FAT1: variants seen among roughly 807,000 people sequenced by gnomAD.
FAT1 encodes protocadherin Fat 1.
A neutral mutation model predicts 329.8 loss-of-function variants in FAT1; 171 were observed. The observed-to-expected ratio is 0.52, with a 90% CI of 0.46 to 0.59. The LOEUF (loss-of-function observed/expected upper bound fraction) is 0.59. Among genes scored for constraint, FAT1 ranks in the 20% least tolerant of loss-of-function variants. The pLI is 0.00. For synonymous variants in FAT1, 2,233 were observed against 2,228.6 expected (o/e 1.00, Z -0.06); for missense variants, 5,672 against 5,774.4 (o/e 0.98, Z 0.57).
At chr4:186,687,975 T>C (rs887591756) in intron 2 of FAT1, among the ~76,000 whole-genome samples, 2 of 152,266 alleles carry the variant, frequency 1.3e-5, no homozygotes, top group African/African-American at 2.4e-5. Flanking sequence ...ATTTTAGTCA[T>C]GTTTTCTCCT....
At chr4:186,630,184 C>T (rs188823580) in intron 7 of FAT1, among the ~76,000 whole-genome samples, 1 of 152,302 alleles carries the variant, frequency 6.6e-6, no homozygotes, top group East Asian at 1.9e-4. Context: ...ACATGCACAG[C>T]CTAACCATGT....
chr4:186,716,462 C>A (rs1745208820), intron 1 of FAT1, among the ~76,000 whole-genome samples: 1 of 151,972 alleles, frequency 6.6e-6, no homozygotes, highest in Admixed American at 6.5e-5. Context: ...GGGTCTTGCT[C>A]TATCTCCCAG....
chr4:186,593,158 A>G (rs752056455), intron 26 of FAT1, among the ~76,000 whole-genome samples: 13 of 152,088 alleles, frequency 8.5e-5, no homozygotes, highest in Non-Finnish European at 1.5e-4. Flanking sequence ...TCACTCACAC[A>G]TTGTCCCCCA....
Position 186,619,217 on chromosome 4 carries a change from G to T in FAT1, c.7369C>A (p.Leu2457Met), listed in dbSNP as rs2126503339. The T allele has an allele frequency of 6.2e-7, 1 of 1,613,992 alleles. No homozygotes were observed. The highest frequency in any genetic ancestry group is 8.5e-7 in the Non-Finnish European group (1 of 1,179,906). ...AGGTTAAGACTGTAAAATGGCTTCA[G>T]GGCGTGCCGGTGCAGGTTTGAGAGG... ...ITLSNLHRHA[L>M]KPFYSLNLSV... The change falls in exon 10 of 27, where the codon CTG (leucine) becomes ATG (methionine). Residue 2457 changes from leucine (L) to methionine (M), a missense_variant. Leu to Met is a conservative substitution (Grantham distance 15). Coordinates refer to ENST00000441802, the MANE Select transcript of FAT1 (RefSeq NM_005245.4).
chr4:186,606,429 C>A (rs1463708768), intron 16 of FAT1, among the ~76,000 whole-genome samples: 1 of 152,124 alleles, frequency 6.6e-6, no homozygotes, highest in East Asian at 1.9e-4. Flanking sequence ...TGATTAGATT[C>A]TCTGATGCCT....
intron 2 of FAT1, among the ~76,000 whole-genome samples, chr4:186,703,243 C>A (rs1055907461): frequency 1.3e-5 from 2 of 152,194 alleles, no homozygotes; most frequent in Non-Finnish European, 2.9e-5. Context: ...CATGTACAAA[C>A]CACGGAGCTA....
intron 7 of FAT1, among the ~76,000 whole-genome samples, chr4:186,629,881 C>A (rs1468148265): frequency 2.6e-5 from 4 of 152,188 alleles, no homozygotes. Context: ...TTTTACAGGT[C>A]AATGATGATC....
At chr4:186,609,114 G>C in intron 16 of FAT1, 69 bp downstream of exon 16, 1 of 1,561,078 alleles carries the variant, frequency 6.4e-7, no homozygotes, top group Middle Eastern at 1.9e-4. Flanking sequence ...CAGCAGACAA[G>C]AGCACAAGGC....
At chr4:186,658,963 G>A (rs563784642) in intron 3 of FAT1, among the ~76,000 whole-genome samples, 2 of 152,316 alleles carry the variant, frequency 1.3e-5, no homozygotes, top group African/African-American at 2.4e-5. Context: ...TTCATAGTTC[G>A]GTAAATAAAC....
At chr4:186,602,779 A>C (rs1738876426) in intron 20 of FAT1, 124 bp downstream of exon 20, 1 of 1,066,568 alleles carries the variant, frequency 9.4e-7, no homozygotes, top group Non-Finnish European at 1.3e-6. Flanking sequence ...ATTCATCTCC[A>C]CATCTGTCTT....
At chr4:186,678,253 T>C (rs773401194) in intron 2 of FAT1, among the ~76,000 whole-genome samples, 3 of 151,948 alleles carry the variant, frequency 2.0e-5, no homozygotes, top group Non-Finnish European at 4.4e-5. Flanking sequence ...TATAACACAC[T>C]AGTTGTAATT....
Position 186,618,824 on chromosome 4 carries a change from C to T in FAT1, c.7762G>A (p.Asp2588Asn), listed in dbSNP as rs1460050406. The part of the protein sequence containing the change: ...AFCTVNVILT[D>N]DNDNAPQFRA... ...AATTGTGGTGCATTGTCATTGTCAT[C>T]TGTAAGGATGACATTCACGGTGCAG... The change falls in exon 10 of 27, where the codon GAT becomes AAT. Residue 2588 changes from aspartate (D) to asparagine (N), a missense_variant. Physicochemically the swap from Asp to Asn is conservative, Grantham distance 23. Transcript: ENST00000441802. 1 of 1,614,056 alleles carries T rather than the reference C, an allele frequency of 6.2e-7. No homozygotes were observed. The highest frequency in any genetic ancestry group is 1.1e-5 in the South Asian group (1 of 91,086).
chr4:186,636,289 A>T, intron 5 of FAT1, 54 bp from the exon 6 acceptor site: 1 of 1,506,762 alleles, frequency 6.6e-7, no homozygotes, highest in South Asian at 1.1e-5. Context: ...GTTACAACCC[A>T]GAAATGAATG....
intron 1 of FAT1, among the ~76,000 whole-genome samples, chr4:186,716,079 C>T (rs1177722272): frequency 3.3e-5 from 5 of 152,068 alleles, no homozygotes; most frequent in South Asian, 2.1e-4. Context: ...GGGTTTCACA[C>T]GCCACAGAGA....
chr4:186,685,108 G>A (rs564858515), intron 2 of FAT1, among the ~76,000 whole-genome samples: 6 of 152,252 alleles, frequency 3.9e-5, no homozygotes, highest in East Asian at 1.9e-4. Flanking sequence ...CTTATCTGGC[G>A]TTACTTTGAT....
chr4:186,603,509 C>G lies in FAT1; in HGVS notation c.11017G>C (p.Val3673Leu), dbSNP rs78759955. The change falls in exon 19 of 27, where the codon GTG becomes CTG. Residue 3673 changes from valine (V) to leucine (L), a missense_variant. Val to Leu is a conservative substitution (Grantham distance 32). This residue lies in a region of FAT1 where 1,706 missense variants were observed against 1,859.1 expected (regional missense o/e 0.92). Transcript: ENST00000441802. ...FQRALRNILG[V>L]RRNDIQIVSL... is the part of the protein sequence containing the mutation. ...ACAATCTGTATGTCGTTCCTCCTCA[C>G]ACCCAGGATGTTCCGTAAAGCTCGC... is the stretch of plus-strand genomic sequence containing the variant. 1.3e-5 allele frequency: 21 copies of G among 1,613,984 alleles called. No homozygotes were observed. The highest frequency in any genetic ancestry group is 1.7e-5 in the Non-Finnish European group (20 of 1,179,878).
Position 186,602,946 on chromosome 4 carries a change from T to C in FAT1, c.11439A>G (p.Lys3813=). 1 of 1,613,936 alleles carries C rather than the reference T, an allele frequency of 6.2e-7. No homozygotes were observed. The highest frequency in any genetic ancestry group is 1.7e-5 in the Admixed American group (1 of 60,020). The stretch of plus-strand genomic sequence containing the variant: ...TGCCGCTGGGACAGACACAGGTGTG[T>C]TTCTCCTCCCAGGGATCAGACACAC... ...SECVSDPWEE[K]HTCVCPSGRF... Residue 3813 remains lysine, a synonymous_variant, in exon 20 of 27, where the codon AAA becomes AAG. Coordinates refer to ENST00000441802, the MANE Select transcript of FAT1 (RefSeq NM_005245.4).
intron 26 of FAT1, among the ~76,000 whole-genome samples, chr4:186,594,131 C>T (rs926696801): frequency 2.0e-5 from 3 of 151,778 alleles, no homozygotes; most frequent in Non-Finnish European, 4.4e-5. Context: ...AGTGGCGTGA[C>T]CTCAGCTCAC....
At chr4:186,669,217 A>C (rs895776691) in intron 2 of FAT1, among the ~76,000 whole-genome samples, 1 of 152,158 alleles carries the variant, frequency 6.6e-6, no homozygotes, top group Non-Finnish European at 1.5e-5. Context: ...GGCTGTGAGG[A>C]GGGAGGGCTG....
Sources: gnomAD v4.1 joint callset for allele counts (sites outside exome capture counted in the v4.1 genomes callset) on GRCh38, gnomAD v4.1.1 for gene constraint, gnomAD v4.1.1 regional missense constraint, MANE v1.5 for transcripts, NCBI Gene and HGNC (gene_info 2026-07-23, HGNC 2026-07-21) for gene names.